MMD2: variants seen among roughly 807,000 people sequenced by gnomAD.
MMD2 encodes monocyte to macrophage differentiation associated 2.
A neutral mutation model predicts 33.5 loss-of-function variants in MMD2; 30 were observed. The ratio of observed to expected loss-of-function variants is 0.90; its 90% CI spans 0.67 to 1.22. The LOEUF (loss-of-function observed/expected upper bound fraction) is 1.22. Ranked by LOEUF, MMD2 falls within the 50% of genes most tolerant of loss-of-function variation. The pLI, the probability that MMD2 is intolerant of heterozygous loss-of-function variation, is 0.00. For missense variants in MMD2, 364 were observed against 325.4 expected, an observed-to-expected ratio of 1.12 and a Z score of -0.91; for synonymous variants, 129 against 123.0, an observed-to-expected ratio of 1.05 and a Z score of -0.32.
the MMD2 span, among the ~76,000 whole-genome samples, chr7:4,894,260 AG>A: frequency 1.3e-5 from 2 of 152,168 alleles, no homozygotes; most frequent in South Asian, 2.1e-4. The surrounding 1 kb of genome is among the most constrained non-coding windows in gnomAD (Gnocchi z 4.3). Context: ...CCATGTTGTA[AG>A]GAAGTCCAGG....
At chr7:4,928,904 C>G (rs986111157) in intron 1 of MMD2, among the ~76,000 whole-genome samples, 3 of 151,976 alleles carry the variant, frequency 2.0e-5, no homozygotes, top group Non-Finnish European at 4.4e-5. Context: ...TATTAAGCAC[C>G]TTCTGTGTGC....
chr7:4,922,865 C>T (rs1437040939), intron 2 of MMD2, among the ~76,000 whole-genome samples: 2 of 152,138 alleles, frequency 1.3e-5, no homozygotes, highest in Admixed American at 1.3e-4. Flanking sequence ...ATGATACATG[C>T]CCATCACCCT....
Position 4,940,464 on chromosome 7 carries a change from G to T in MMD2, c.48-14932C>A, listed in dbSNP as rs1583391686. Among the ~76,000 whole-genome samples, 1 of 152,208 alleles carries T rather than the reference G, an allele frequency of 6.6e-6. No individual in the cohort carries two copies. Among genetic ancestry groups the T allele is most frequent in the African/African-American group, 2.4e-5 (1 of 41,456 alleles). Reference sequence around the variant, plus strand: ...CTTGGACAGAGGACTAGAGAGATTTGCCCGGGCTCCTACACAAAGGGGGTT... The same window carrying T: ...CTTGGACAGAGGACTAGAGAGATTTTCCCGGGCTCCTACACAAAGGGGGTT... On this transcript the variant is annotated intron_variant, in intron 1 of 6. Coordinates refer to ENST00000401401, the MANE Select transcript of MMD2 (RefSeq NM_198403.4). The surrounding 1 kb of genome is among the most constrained non-coding windows in gnomAD (Gnocchi z 5.0).
intron 1 of MMD2, among the ~76,000 whole-genome samples, chr7:4,953,272 C>A (rs1562497987): frequency 6.6e-6 from 1 of 151,758 alleles, no homozygotes; most frequent in Non-Finnish European, 1.5e-5. Flanking sequence ...TTGTCTTGGT[C>A]AGCACCGCCT....
At chr7:4,937,969 C>CTTTTTCTTTTTT (rs1785789067) in intron 1 of MMD2, among the ~76,000 whole-genome samples, 3 of 97,262 alleles carry the variant, frequency 3.1e-5, no homozygotes, top group Non-Finnish European at 4.3e-5. Context: ...AATTTAATTT[C>CTTTTTCTTTTTT]TTTTTCTTTT....
At chr7:4,913,132 T>C (rs1460671127) in intron 4 of MMD2, among the ~76,000 whole-genome samples, 1 of 152,008 alleles carries the variant, frequency 6.6e-6, no homozygotes, top group East Asian at 1.9e-4. Flanking sequence ...TAATAACCCA[T>C]CTCATTACCC....
intron 1 of MMD2, among the ~76,000 whole-genome samples, chr7:4,957,041 C>T (rs913858802): frequency 6.6e-6 from 1 of 151,942 alleles, no homozygotes; most frequent in Non-Finnish European, 1.5e-5. Flanking sequence ...TGGCAGGCGC[C>T]TGTAGTCCCA....
At chr7:4,916,524 A>T (rs1209442017) in intron 3 of MMD2, among the ~76,000 whole-genome samples, 2 of 151,952 alleles carry the variant, frequency 1.3e-5, no homozygotes, top group African/African-American at 4.8e-5. Flanking sequence ...CTGGGATTAC[A>T]GGCACCTGCC....
intron 5 of MMD2, among the ~76,000 whole-genome samples, chr7:4,910,622 T>C (rs111794525): frequency 6.6e-6 from 1 of 151,602 alleles, no homozygotes; most frequent in Non-Finnish European, 1.5e-5. Flanking sequence ...TAGGAACCTA[T>C]GTTTTTTTGT....
intron 1 of MMD2, among the ~76,000 whole-genome samples, chr7:4,933,079 C>G (rs1785636410): frequency 6.6e-6 from 1 of 151,238 alleles, no homozygotes; most frequent in Admixed American, 6.6e-5. Flanking sequence ...CTTGTTTTCT[C>G]TTAAAATGTA....
At chr7:4,922,593 G>A (rs1171067003) in intron 2 of MMD2, among the ~76,000 whole-genome samples, 3 of 151,912 alleles carry the variant, frequency 2.0e-5, no homozygotes, top group East Asian at 1.9e-4. Flanking sequence ...TTTTTTTTTA[G>A]AGATGGAATC....
intron 1 of MMD2, among the ~76,000 whole-genome samples, chr7:4,957,464 C>T (rs1036741661): frequency 6.0e-4 from 34 of 56,846 alleles, no homozygotes; most frequent in African/African-American, 1.4e-3. Flanking sequence ...CTGGCTAACG[C>T]GGTGAAACCC....
intron 1 of MMD2, among the ~76,000 whole-genome samples, chr7:4,950,079 T>TTGTG (rs60203634): frequency 3.5e-4 from 52 of 149,974 alleles, no homozygotes; most frequent in Non-Finnish European, 5.8e-4. Context: ...TCACCTTCTT[T>TTGTG]TGTGTGTGTG....
At chr7:4,921,954 G>A (rs1583369769) in intron 2 of MMD2, among the ~76,000 whole-genome samples, 2 of 152,192 alleles carry the variant, frequency 1.3e-5, no homozygotes, top group South Asian at 2.1e-4. Context: ...GCCGGGTGCG[G>A]TGGCTCACAC....
At chr7:4,913,805 G>C (rs1013889399) in intron 4 of MMD2, among the ~76,000 whole-genome samples, 4 of 150,806 alleles carry the variant, frequency 2.7e-5, no homozygotes, top group Admixed American at 2.6e-4. Flanking sequence ...GGGACCACAG[G>C]TGCCTGCCAC....
At chr7:4,939,833 C>T (rs1184359589) in intron 1 of MMD2, among the ~76,000 whole-genome samples, 1 of 151,728 alleles carries the variant, frequency 6.6e-6, no homozygotes, top group African/African-American at 2.4e-5. Flanking sequence ...CTCTGCCTTC[C>T]AGGTTCAAGC....
In MMD2 at chr7:4,946,069, TCACACGCACG is replaced by T. The variant is rs760649790; in HGVS notation, c.47+12892_47+12901del. Among the ~76,000 whole-genome samples, 85 of 151,518 alleles carry T rather than the reference TCACACGCACG, an allele frequency of 5.6e-4. No individual in the cohort carries two copies. Among genetic ancestry groups the T allele is most frequent in the African/African-American group, 1.5e-3 (63 of 41,330 alleles). The stretch of plus-strand genomic sequence containing the variant: ...CCTCTCTGGGGCAAAATGCACACAC[TCACACGCACG>T]CACACGCACGCACACACACGCATGC... On this transcript the variant is annotated intron_variant, in intron 1 of 6. Coordinates refer to ENST00000401401, the MANE Select transcript of MMD2 (RefSeq NM_198403.4). This position sits in a 1 kb window ranked among gnomAD's most constrained non-coding sequence, Gnocchi z 5.0.
intron 1 of MMD2, among the ~76,000 whole-genome samples, chr7:4,932,797 A>C (rs1348502799): frequency 1.3e-5 from 2 of 151,600 alleles, no homozygotes; most frequent in African/African-American, 2.4e-5. Context: ...TAATTTTTGT[A>C]TTTTTAGTAG....
chr7:4,899,800 G>T, the MMD2 span, among the ~76,000 whole-genome samples: 1 of 152,170 alleles, frequency 6.6e-6, no homozygotes, highest in Admixed American at 6.5e-5. Context: ...TGGACCCCAG[G>T]TGATGAAATG....
Sources: allele counts gnomAD v4.1 joint callset (sites outside exome capture counted in the v4.1 genomes callset), GRCh38; gene constraint gnomAD v4.1.1; non-coding constraint Gnocchi (gnomAD v3.1); transcripts MANE v1.5; gene names NCBI Gene and HGNC (gene_info 2026-07-23, HGNC 2026-07-21).